CCDC125: variants seen among roughly 807,000 people sequenced by gnomAD.
CCDC125 encodes coiled-coil domain containing 125, also known as coiled-coil domain-containing protein 125.
CCDC125 carries 43 observed loss-of-function variants against 57.4 expected under a neutral mutation model. The observed-to-expected ratio is 0.75, with a 90% CI of 0.59 to 0.97. The LOEUF (loss-of-function observed/expected upper bound fraction) is 0.97. Ranked by LOEUF, CCDC125 falls within the 50% of genes least tolerant of loss-of-function variation. The probability of loss-of-function intolerance (pLI) is 0.00; values close to 1 mark genes in which losing one functional copy is unlikely to be tolerated. For synonymous variants in CCDC125, 187 were observed against 195.2 expected (o/e 0.96, Z 0.35); for missense variants, 563 against 595.7 (o/e 0.95, Z 0.57).
chr5:69,293,589 A>G (rs1754842334), intron 9 of CCDC125, among the ~76,000 whole-genome samples: 1 of 150,496 alleles, frequency 6.6e-6, no homozygotes, highest in African/African-American at 2.4e-5. Context: ...TGGAGGTTGC[A>G]GTGAGCCGAG....
rs1293693681 is a variant in CCDC125 at position 69,293,411 on chromosome 5, G to C, written c.925-1049C>G. On this transcript the variant is annotated intron_variant, in intron 9 of 11. Transcript: ENST00000396496. ...TCACGCCTGTAATCCCAGCACTTTGGGGGGCCAAGGCGGGTGGATCACGAG... is the reference window on the plus strand; with the variant it reads ...TCACGCCTGTAATCCCAGCACTTTGCGGGGCCAAGGCGGGTGGATCACGAG... Among the ~76,000 whole-genome samples, 9 of 152,004 alleles carry C rather than the reference G, an allele frequency of 5.9e-5. No individual in the cohort carries two copies. The South Asian group carries it at 1.9e-3, about 32-fold the overall frequency.
At chr5:69,280,007 G>A (rs1752388513), downstream of CCDC125, among the ~76,000 whole-genome samples, 2 of 152,082 alleles carry the variant, frequency 1.3e-5, no homozygotes, top group African/African-American at 4.8e-5. Context: ...GATCTCGTGA[G>A]AACTCACAAT....
rs564378730 is a variant in CCDC125, at chr5:69,298,172, C to T, written c.816+1840G>A. Among the ~76,000 whole-genome samples, 10 of 151,976 alleles carry T rather than the reference C, an allele frequency of 6.6e-5. No individual in the cohort carries two copies. The South Asian group carries it at 1.5e-3, about 22-fold the overall frequency. The stretch of plus-strand genomic sequence containing the variant: ...CTGGGATTACAGGCATACGCCACTA[C>T]GCCCAGCTAATTTTTGTACTTTTAA... On this transcript the variant is annotated intron_variant, in intron 8 of 11. Coordinates refer to ENST00000396496, the MANE Select transcript of CCDC125 (RefSeq NM_176816.5).
chr5:69,284,858 G>A (rs1471335025), intron 11 of CCDC125, among the ~76,000 whole-genome samples: 1 of 152,118 alleles, frequency 6.6e-6, no homozygotes, highest in Non-Finnish European at 1.5e-5. Context: ...TTGGGATGCC[G>A]AGGTGGGCAG....
Position 69,285,439 on chromosome 5 carries a change from G to C in CCDC125, c.1128C>G (p.Thr376=). 6.2e-7 allele frequency: 1 copy of C among 1,604,538 alleles called. No individual in the cohort carries two copies. The highest frequency in any genetic ancestry group is 1.3e-5 in the African/African-American group (1 of 74,428). ...DGFPSPRSKK[T]FGQRLLGMLP... ...GCATACCCAACAGTCTCTGCCCGAAGGTCTTCTTACTCCTTGGTGATGGAA... is the reference window on the plus strand; with the variant it reads ...GCATACCCAACAGTCTCTGCCCGAACGTCTTCTTACTCCTTGGTGATGGAA... Residue 376 remains threonine, a synonymous_variant, in exon 11 of 12, where the codon ACC becomes ACG. Transcript: ENST00000396496.
chr5:69,276,402 C>G, downstream of CCDC125: 7 of 692,884 alleles, frequency 1.0e-5, no homozygotes, highest in South Asian at 1.3e-4. Context: ...TTTGCAAATA[C>G]TTGACATTAA....
downstream of CCDC125, among the ~76,000 whole-genome samples, chr5:69,275,721 C>G (rs1049706598): frequency 6.6e-6 from 1 of 152,116 alleles, no homozygotes; most frequent in Non-Finnish European, 1.5e-5. Context: ...CGCCTGTAAT[C>G]CTAGCTCTTA....
At chr5:69,315,901 C>T (rs1208710614) in intron 2 of CCDC125, among the ~76,000 whole-genome samples, 1 of 141,510 alleles carries the variant, frequency 7.1e-6, no homozygotes, top group Non-Finnish European at 1.5e-5. Flanking sequence ...TTCCTAAGAG[C>T]TTCATTTTCC....
intron 10 of CCDC125, among the ~76,000 whole-genome samples, chr5:69,287,014 C>A (rs1320278049): frequency 8.6e-4 from 119 of 138,120 alleles, no homozygotes; most frequent in Non-Finnish European, 1.6e-3. Context: ...AAAAAAAAAA[C>A]CCAAAAGCAA....
chr5:69,278,036 A>T (rs1752291232), downstream of CCDC125, among the ~76,000 whole-genome samples: 1 of 151,846 alleles, frequency 6.6e-6, no homozygotes, highest in Admixed American at 6.6e-5. Context: ...GCACCACTAC[A>T]CCTGCCTAAT....
chr5:69,323,198 A>C (rs747801458), intron 1 of CCDC125, among the ~76,000 whole-genome samples: 3 of 151,766 alleles, frequency 2.0e-5, no homozygotes, highest in Non-Finnish European at 2.9e-5. Context: ...AATCTCAGCT[A>C]CTCAGGAGGC....
downstream of CCDC125, chr5:69,276,848 G>A (rs1458980366): frequency 1.4e-6 from 1 of 735,642 alleles, no homozygotes; most frequent in Non-Finnish European, 2.2e-6. Flanking sequence ...TGCCGTTTTA[G>A]GTATGTTTAC....
downstream of CCDC125, chr5:69,280,058 C>T (rs1752390781): frequency 6.6e-6 from 1 of 152,116 alleles, no homozygotes; most frequent in Non-Finnish European, 1.5e-5. Context: ...ATGATCCAGT[C>T]ACCTACCACC....
rs776637663 is a variant in CCDC125, at chr5:69,285,426, GTC to G, written c.1139_1140del (p.Arg380ThrfsTer12). The G allele has an allele frequency of 2.9e-5, 47 of 1,609,472 alleles. No individual in the cohort carries two copies. The highest frequency in any genetic ancestry group is 4.0e-5 in the Non-Finnish European group (47 of 1,178,398). On this transcript the variant is annotated frameshift_variant, in exon 11 of 12. Transcript: ENST00000396496. LOFTEE classifies it high-confidence loss of function. ...TTTTCTGAAGGGAGCATACCCAACA[GTC>G]TCTGCCCGAAGGTCTTCTTACTCCT... is the stretch of plus-strand genomic sequence containing the variant. ...SPRSKKTFGQ[R>X]LLGMLPSENS...
intron 4 of CCDC125, 106 bp from the exon 5 acceptor site, chr5:69,308,134 TGACATAAGA>T (rs1757628237): frequency 1.2e-6 from 1 of 808,704 alleles, no homozygotes; most frequent in Admixed American, 2.1e-5. Context: ...TAAGATGAAT[TGACATAAGA>T]ATTTCACAGT....
At chr5:69,327,200 G>T (rs1760845849) in intron 1 of CCDC125, among the ~76,000 whole-genome samples, 1 of 150,470 alleles carries the variant, frequency 6.6e-6, no homozygotes, top group African/African-American at 2.4e-5. Context: ...GTTCATGCCA[G>T]TCTCCTGCCT....
intron 8 of CCDC125, among the ~76,000 whole-genome samples, chr5:69,299,572 A>G (rs189827360): frequency 3.3e-5 from 5 of 152,208 alleles, no homozygotes; most frequent in Admixed American, 2.6e-4. Flanking sequence ...CCACAGATTG[A>G]CCTTGCCACC....
chr5:69,314,326 G>A (rs192173480), intron 2 of CCDC125, among the ~76,000 whole-genome samples: 91 of 152,044 alleles, frequency 6.0e-4, no homozygotes, highest in Non-Finnish European at 7.8e-4. Flanking sequence ...TTAGCTGGGC[G>A]TGGTGGTGCC....
chr5:69,273,276 G>T, the CCDC125 span, among the ~76,000 whole-genome samples: 107 of 151,968 alleles, frequency 7.0e-4, 2 homozygotes, highest in Admixed American at 1.7e-3. Flanking sequence ...CACTTGCTTA[G>T]GGACATTTAA....
Sources: gnomAD v4.1 joint callset for allele counts (sites outside exome capture counted in the v4.1 genomes callset) on GRCh38, gnomAD v4.1.1 for gene constraint, MANE v1.5 for transcripts, NCBI Gene and HGNC (gene_info 2026-07-23, HGNC 2026-07-21) for gene names.